The following REC114 variants were observed in gnomAD, a reference collection of about 807,000 sequenced individuals.
REC114 encodes the protein meiotic recombination protein REC114.
Under a neutral mutation model 31.3 loss-of-function variants are expected in REC114, and 27 were observed. The observed-to-expected ratio is 0.86, with a 90% CI of 0.64 to 1.19. The LOEUF (loss-of-function observed/expected upper bound fraction) is 1.19. Ranked by LOEUF, REC114 falls within the 50% of genes most tolerant of loss-of-function variation. The probability of loss-of-function intolerance (pLI) is 0.00; values close to 1 mark genes in which losing one functional copy is unlikely to be tolerated. For synonymous variants in REC114, 134 were observed against 127.7 expected (o/e 1.05, Z -0.33); for missense variants, 344 against 326.9 (o/e 1.05, Z -0.40).
At chr15:73,443,695 T>A (rs1206392975) in intron 1 of REC114, among the ~76,000 whole-genome samples, 1 of 152,186 alleles carries the variant, frequency 6.6e-6, no homozygotes, top group Non-Finnish European at 1.5e-5. Flanking sequence ...ATTGATGTTT[T>A]TAGTTTAGTG....
At chr15:73,522,854 A>G (rs1893954514) in intron 2 of REC114, among the ~76,000 whole-genome samples, 1 of 152,180 alleles carries the variant, frequency 6.6e-6, no homozygotes, top group East Asian at 1.9e-4. Flanking sequence ...AAACCACCAG[A>G]CTGTTTTCCA....
chr15:73,476,925 G>T (rs947961261), intron 2 of REC114, among the ~76,000 whole-genome samples: 6 of 152,204 alleles, frequency 3.9e-5, no homozygotes, highest in African/African-American at 1.4e-4. Context: ...TGGTGTGTCT[G>T]TGTTTAACTT....
intron 2 of REC114, among the ~76,000 whole-genome samples, chr15:73,511,195 T>C (rs1196574189): frequency 6.6e-6 from 1 of 152,230 alleles, no homozygotes; most frequent in Non-Finnish European, 1.5e-5. Flanking sequence ...TCGAGGAATT[T>C]ATCCATTTCT....
At position 73,534,425 on chromosome 15, in the gene REC114, T is replaced by C. The variant is rs548334363; in HGVS notation, c.250-6060T>C. Among the ~76,000 whole-genome samples the C allele has an allele frequency of 2.6e-5, 4 of 152,140 alleles. No homozygotes were observed. In the East Asian group the frequency reaches 5.8e-4, roughly 22 times the overall value. On this transcript the variant is annotated intron_variant, in intron 2 of 5. Transcript: ENST00000331090. Reference sequence around the variant, plus strand: ...ACCTCTACGCAAATAAACTAGAAAATCTACAAGAAATGGATAAATTCCTCG... The same window carrying C: ...ACCTCTACGCAAATAAACTAGAAAACCTACAAGAAATGGATAAATTCCTCG...
At chr15:73,464,430 G>A (rs934288873) in intron 1 of REC114, among the ~76,000 whole-genome samples, 1 of 152,074 alleles carries the variant, frequency 6.6e-6, no homozygotes, top group Non-Finnish European at 1.5e-5. Context: ...GGAGCCTCGT[G>A]TTTTGGGTTT....
chr15:73,540,926 ATTTTTTCT>A (rs1031605080), intron 3 of REC114, among the ~76,000 whole-genome samples: 4 of 151,998 alleles, frequency 2.6e-5, no homozygotes, highest in Non-Finnish European at 4.4e-5. Context: ...ATGTATTTTC[ATTTTTTCT>A]TTTTAATATT....
chr15:73,552,944 A>T (rs970269092), intron 4 of REC114, among the ~76,000 whole-genome samples: 2 of 152,088 alleles, frequency 1.3e-5, no homozygotes, highest in African/African-American at 4.8e-5. Flanking sequence ...CCTCCCGAGT[A>T]GCTGGGATTA....
At chr15:73,551,175 T>C (rs1213757609) in intron 4 of REC114, 25 bp downstream of exon 4, 10 of 1,568,290 alleles carry the variant, frequency 6.4e-6, no homozygotes, top group Non-Finnish European at 7.8e-6. Context: ...GTGTTGGTTA[T>C]ACAGGAAACA....
chr15:73,540,837 A>C (rs995838582), intron 3 of REC114, among the ~76,000 whole-genome samples: 1 of 152,196 alleles, frequency 6.6e-6, no homozygotes, highest in Non-Finnish European at 1.5e-5. Flanking sequence ...CCCCAAGCAC[A>C]AATTGGAAGT....
At chr15:73,453,670 G>A (rs1892881394) in intron 1 of REC114, among the ~76,000 whole-genome samples, 1 of 152,142 alleles carries the variant, frequency 6.6e-6, no homozygotes, top group Admixed American at 6.5e-5. Flanking sequence ...ACATGCACAT[G>A]TATGTTTATT....
chr15:73,537,768 A>T (rs942566305), intron 2 of REC114, among the ~76,000 whole-genome samples: 2 of 152,176 alleles, frequency 1.3e-5, no homozygotes, highest in Non-Finnish European at 2.9e-5. Context: ...ACAGCTCAAA[A>T]ATCAGAGCAA....
intron 2 of REC114, among the ~76,000 whole-genome samples, chr15:73,496,788 T>G (rs1409603309): frequency 1.3e-5 from 2 of 152,204 alleles, no homozygotes; most frequent in Non-Finnish European, 2.9e-5. Context: ...TACTACTAAC[T>G]GATCTACAGA....
At position 73,462,884 on chromosome 15, in the gene REC114, C is replaced by CAAAAAAAAAAAAAAAAAAA. The variant is rs769569268; in HGVS notation, c.160-10943_160-10925dup. 3.8e-4 allele frequency among the ~76,000 whole-genome samples: 21 copies of CAAAAAAAAAAAAAAAAAAA among 55,646 alleles called. 1 individual carries two copies. Among genetic ancestry groups the CAAAAAAAAAAAAAAAAAAA allele is most frequent in the African/African-American group, 1.1e-3 (16 of 14,182 alleles). The allele number at this position is 55,646 out of a possible 152,430, so 36.5% of individuals were successfully genotyped here. On this transcript the variant is annotated intron_variant, in intron 1 of 5. Transcript: ENST00000331090. ...TGGGCAACAGAGTGAGACTCCGTCTCAAAAAAAAAAAAAAAAAAAAAAATT... is the reference window on the plus strand; with the variant it reads ...TGGGCAACAGAGTGAGACTCCGTCTCAAAAAAAAAAAAAAAAAAAAAAAAAAAAAAAAAAAAAAAAAATT...
chr15:73,545,146 C>G (rs998314236), intron 3 of REC114, among the ~76,000 whole-genome samples: 2 of 152,160 alleles, frequency 1.3e-5, no homozygotes, highest in African/African-American at 4.8e-5. Flanking sequence ...AATTTGCTTC[C>G]TTGAGTCTGT....
At chr15:73,541,137 CTG>C (rs535728223) in intron 3 of REC114, among the ~76,000 whole-genome samples, 1 of 152,246 alleles carries the variant, frequency 6.6e-6, no homozygotes, top group Non-Finnish European at 1.5e-5. Context: ...GACTCAGACT[CTG>C]AGAGTTAGAC....
At chr15:73,529,389 C>T (rs1049963455) in intron 2 of REC114, among the ~76,000 whole-genome samples, 3 of 152,102 alleles carry the variant, frequency 2.0e-5, no homozygotes, top group Non-Finnish European at 1.5e-5. Context: ...CCACCTGCCT[C>T]GGCCTCCCAA....
rs1410978474 is a variant in REC114 at position 73,514,915 on chromosome 15, C to A, written c.250-25570C>A. Among the ~76,000 whole-genome samples, 4 of 150,902 alleles carry A rather than the reference C, an allele frequency of 2.7e-5. No individual in the cohort carries two copies. In the East Asian group the frequency reaches 7.8e-4, roughly 29 times the overall value. ...AAAAGTGCTCTAATGGGCACTACTG[C>A]CTTTAACACTCTGATTTTTTTTTTT... On this transcript the variant is annotated intron_variant, in intron 2 of 5. Transcript: ENST00000331090.
intron 2 of REC114, among the ~76,000 whole-genome samples, chr15:73,490,282 G>A (rs1893425572): frequency 2.0e-5 from 3 of 152,062 alleles, no homozygotes; most frequent in Admixed American, 2.0e-4. Context: ...GGATACTAAG[G>A]TTTTGTTATG....
At chr15:73,546,833 AAG>A (rs1491079139) in intron 3 of REC114, among the ~76,000 whole-genome samples, 2 of 151,668 alleles carry the variant, frequency 1.3e-5, no homozygotes, top group African/African-American at 4.8e-5. Flanking sequence ...AAAAAAAAAA[AAG>A]AGTTCTGGGA....
Sources: allele counts gnomAD v4.1 joint callset (sites outside exome capture counted in the v4.1 genomes callset), GRCh38; gene constraint gnomAD v4.1.1; transcripts MANE v1.5; gene names NCBI Gene and HGNC (gene_info 2026-07-23, HGNC 2026-07-21).